Variants in MOXD1 observed in about 807,000 individuals in gnomAD.
MOXD1 encodes monooxygenase DBH like 1.
A neutral mutation model predicts 66.6 loss-of-function variants in MOXD1; 62 were observed. The observed-to-expected ratio is 0.93, with a 90% CI of 0.76 to 1.15. MOXD1 has a LOEUF of 1.15. MOXD1 is among the 50% of genes most tolerant of loss of function. The pLI is 0.00. For missense variants in MOXD1, 847 were observed against 754.6 expected (o/e 1.12, Z -1.44); for synonymous variants, 303 against 281.9 (o/e 1.07, Z -0.75).
intron 6 of MOXD1, among the ~76,000 whole-genome samples, chr6:132,326,792 T>TA (rs1188672103): frequency 1.3e-5 from 2 of 152,110 alleles, no homozygotes; most frequent in Non-Finnish European, 2.9e-5. Flanking sequence ...TACTTTAGGG[T>TA]AAAAAAAGAT....
Position 132,373,010 on chromosome 6 carries a change from C to CA in MOXD1, c.412-14dup. On this transcript the variant is annotated splice_polypyrimidine_tract_variant and intron_variant, in intron 2 of 11. Transcript: ENST00000367963. Reference sequence around the variant, plus strand: ...TCACAGTGCTATCCTGGGGATCAGACATGGGCATGATTAGGTCTCATGAGA... The same window carrying CA: ...TCACAGTGCTATCCTGGGGATCAGACAATGGGCATGATTAGGTCTCATGAGA... The CA allele has an allele frequency of 6.2e-7, 1 of 1,604,574 alleles. No homozygotes were observed.
intron 10 of MOXD1, among the ~76,000 whole-genome samples, chr6:132,298,428 C>T (rs2223374): frequency 6.6e-6 from 1 of 152,142 alleles, no homozygotes; most frequent in Admixed American, 6.5e-5. Flanking sequence ...GCATTCATTT[C>T]TGAAAAGTAC....
chr6:132,340,382 T>C (rs1193884394), intron 4 of MOXD1, among the ~76,000 whole-genome samples: 3 of 151,826 alleles, frequency 2.0e-5, no homozygotes, highest in South Asian at 2.1e-4. Context: ...TACTCAAATC[T>C]GGATTAACCC....
intron 1 of MOXD1, among the ~76,000 whole-genome samples, chr6:132,392,569 G>A (rs1018879434): frequency 6.6e-6 from 1 of 152,188 alleles, no homozygotes; most frequent in Admixed American, 6.5e-5. Flanking sequence ...TCAGGGCAAT[G>A]AGAGCTGAAC....
chr6:132,398,710 C>T (rs1378187776), intron 1 of MOXD1, among the ~76,000 whole-genome samples: 1 of 151,976 alleles, frequency 6.6e-6, no homozygotes, highest in Non-Finnish European at 1.5e-5. Flanking sequence ...GAGGCCGAGG[C>T]AGGTGGATCA....
At chr6:132,367,163 T>A (rs775408009) in intron 4 of MOXD1, among the ~76,000 whole-genome samples, 4 of 152,018 alleles carry the variant, frequency 2.6e-5, no homozygotes, top group Non-Finnish European at 4.4e-5. Flanking sequence ...CAAGGTGACC[T>A]CCCTAAATGA....
At chr6:132,299,138 A>G (rs1408665092) in intron 10 of MOXD1, among the ~76,000 whole-genome samples, 1 of 152,200 alleles carries the variant, frequency 6.6e-6, no homozygotes, top group Non-Finnish European at 1.5e-5. Flanking sequence ...GCATGGGTGC[A>G]TCTGGAGGCC....
At chr6:132,346,956 C>T (rs1358985478) in intron 4 of MOXD1, among the ~76,000 whole-genome samples, 1 of 152,144 alleles carries the variant, frequency 6.6e-6, no homozygotes, top group East Asian at 1.9e-4. Context: ...ATCTAAGCCA[C>T]AATTGGATCA....
intron 4 of MOXD1, among the ~76,000 whole-genome samples, chr6:132,367,702 C>T (rs1776175526): frequency 1.3e-5 from 2 of 152,022 alleles, no homozygotes; most frequent in South Asian, 4.1e-4. Context: ...AGATACTGTG[C>T]TAAGTGCTTA....
At chr6:132,393,233 G>A (rs1304918340) in intron 1 of MOXD1, among the ~76,000 whole-genome samples, 2 of 152,136 alleles carry the variant, frequency 1.3e-5, no homozygotes, top group African/African-American at 4.8e-5. Flanking sequence ...AATTTCAGTA[G>A]TGCCAACAGA....
chr6:132,333,315 TA>T (rs1775364752), intron 4 of MOXD1, among the ~76,000 whole-genome samples: 1 of 123,466 alleles, frequency 8.1e-6, no homozygotes, highest in Non-Finnish European at 1.6e-5. Flanking sequence ...CAGCCTGGGC[TA>T]CAGAGTGAGA....
At chr6:132,347,622 A>C (rs186466992) in intron 4 of MOXD1, among the ~76,000 whole-genome samples, 15 of 152,056 alleles carry the variant, frequency 9.9e-5, no homozygotes, top group Non-Finnish European at 2.2e-4. Context: ...GGTTGTAGTG[A>C]GCCAAGATTG....
At position 132,297,258 on chromosome 6, in the gene MOXD1, C is replaced by T; in HGVS notation, c.1737G>A (p.Leu579=). The change falls in exon 12 of 12, where the codon TTG becomes TTA. Residue 579 remains leucine (L), a synonymous_variant. Coordinates refer to ENST00000367963, the MANE Select transcript of MOXD1 (RefSeq NM_015529.4). ...DIERPYKAEP[L]VCGTSSSSSL... ...AAGAGGAAGAAGACGTGCCACACAC[C>T]AAAGGTTCTGCTTTATAGGGTCTTT... 6.2e-7 allele frequency: 1 copy of T among 1,613,590 alleles called. No homozygotes were observed. The highest frequency in any genetic ancestry group is 1.1e-5 in the South Asian group (1 of 91,046).
intron 4 of MOXD1, among the ~76,000 whole-genome samples, chr6:132,346,968 T>C (rs532366497): frequency 6.6e-6 from 1 of 152,288 alleles, no homozygotes; most frequent in African/African-American, 2.4e-5. Flanking sequence ...ATTGGATCAA[T>C]TGTCAAGGAG....
intron 7 of MOXD1, 64 bp downstream of exon 7, chr6:132,323,867 C>T: frequency 6.9e-7 from 1 of 1,448,816 alleles, no homozygotes; most frequent in South Asian, 1.5e-5. Flanking sequence ...GAATTTTTCA[C>T]ACCACAGTTT....
At chr6:132,305,278 C>A (rs534995717) in intron 10 of MOXD1, among the ~76,000 whole-genome samples, 26 of 152,336 alleles carry the variant, frequency 1.7e-4, no homozygotes, top group Middle Eastern at 3.4e-3. Flanking sequence ...TCAGGCTTGA[C>A]CCTGACCCAT....
At chr6:132,313,915 CA>C (rs1388708017) in intron 10 of MOXD1, among the ~76,000 whole-genome samples, 4 of 151,782 alleles carry the variant, frequency 2.6e-5, no homozygotes, top group Non-Finnish European at 4.4e-5. Context: ...AACTCTGTCT[CA>C]AAAAAACAAA....
rs781292538 is a variant in MOXD1, at chr6:132,372,614, T to G, written c.657A>C (p.Val219=). The part of the protein sequence containing the change: ...KIPVFQEKHH[V]IKVEPVIQRG... The stretch of plus-strand genomic sequence containing the variant: ...CTATGAATGAGTCACATACCTTTAT[T>G]ACATGATGCTTTTCTTGGAACACAG... Residue 219 remains valine (V), a synonymous_variant, in exon 4 of 12, where the codon GTA becomes GTC. Coordinates refer to ENST00000367963, the MANE Select transcript of MOXD1 (RefSeq NM_015529.4). 2 of 1,611,772 alleles carry G rather than the reference T, an allele frequency of 1.2e-6. No individual in the cohort carries two copies. Among genetic ancestry groups the G allele is most frequent in the Non-Finnish European group, 8.5e-7 (1 of 1,177,868 alleles).
At chr6:132,333,079 G>T (rs970753167) in intron 4 of MOXD1, among the ~76,000 whole-genome samples, 1 of 152,178 alleles carries the variant, frequency 6.6e-6, no homozygotes, top group Non-Finnish European at 1.5e-5. Flanking sequence ...GCTCACGCCT[G>T]TAATCCCAGC....
Sources: gnomAD v4.1 joint callset for allele counts (sites outside exome capture counted in the v4.1 genomes callset) on GRCh38, gnomAD v4.1.1 for gene constraint, MANE v1.5 for transcripts, NCBI Gene and HGNC (gene_info 2026-07-23, HGNC 2026-07-21) for gene names.